The following GRHL2 variants were observed in gnomAD, a reference collection of about 807,000 sequenced individuals.
The protein encoded by GRHL2 is grainyhead like transcription factor 2.
GRHL2 carries 21 observed loss-of-function variants against 83.8 expected under a neutral mutation model. The ratio of observed to expected loss-of-function variants is 0.25; its 90% confidence interval spans 0.18 to 0.36. GRHL2 has a LOEUF of 0.36. GRHL2 is among the 10% of genes least tolerant of loss of function. GRHL2 has a pLI of 1.00. For missense variants in GRHL2, 623 were observed against 781.8 expected (o/e 0.80, Z 2.42); for synonymous variants, 280 against 278.9 (o/e 1.00, Z -0.04).
At chr8:101,651,309 G>A (rs1813616997) in intron 14 of GRHL2, among the ~76,000 whole-genome samples, 1 of 152,198 alleles carries the variant, frequency 6.6e-6, no homozygotes, top group South Asian at 2.1e-4. Context: ...TTGCTTAAAT[G>A]CATATTCTCT....
At chr8:101,551,467 T>G (rs1811378048) in intron 2 of GRHL2, among the ~76,000 whole-genome samples, 1 of 152,068 alleles carries the variant, frequency 6.6e-6, no homozygotes, top group Non-Finnish European at 1.5e-5. Flanking sequence ...TCTGGGCTTG[T>G]GTACATAGTC....
intron 7 of GRHL2, among the ~76,000 whole-genome samples, chr8:101,580,772 C>T (rs796495121): frequency 4.6e-5 from 7 of 152,210 alleles, no homozygotes; most frequent in African/African-American, 1.7e-4. Flanking sequence ...GGCATGATCT[C>T]GGCTCACTGC....
At chr8:101,500,531 G>T (rs1188946500) in intron 1 of GRHL2, among the ~76,000 whole-genome samples, 2 of 151,998 alleles carry the variant, frequency 1.3e-5, no homozygotes, top group East Asian at 3.9e-4. Flanking sequence ...TTTTTGAGTT[G>T]GAGTTTTGCT....
chr8:101,572,520 C>G (rs545373541), intron 5 of GRHL2, among the ~76,000 whole-genome samples: 1 of 152,206 alleles, frequency 6.6e-6, no homozygotes, highest in African/African-American at 2.4e-5. Flanking sequence ...AGGCCATTTT[C>G]AGAGATAAAG....
At chr8:101,639,616 A>C (rs1050857015) in intron 12 of GRHL2, among the ~76,000 whole-genome samples, 1 of 152,200 alleles carries the variant, frequency 6.6e-6, no homozygotes, top group Non-Finnish European at 1.5e-5. Context: ...GTGGCTATAA[A>C]GTATGTATTG....
At chr8:101,614,754 A>G (rs1194836633) in intron 8 of GRHL2, among the ~76,000 whole-genome samples, 1 of 152,194 alleles carries the variant, frequency 6.6e-6, no homozygotes, top group Non-Finnish European at 1.5e-5. Flanking sequence ...AATGCTTATC[A>G]CTTTCCAAGC....
chr8:101,665,686 G>GT (rs1814035672), intron 15 of GRHL2, among the ~76,000 whole-genome samples: 1 of 152,134 alleles, frequency 6.6e-6, no homozygotes, highest in African/African-American at 2.4e-5. Flanking sequence ...TGTGCTAAAT[G>GT]TTTTTATCAT....
intron 2 of GRHL2, among the ~76,000 whole-genome samples, chr8:101,552,374 C>A (rs558629890): frequency 3.9e-5 from 6 of 152,350 alleles, no homozygotes; most frequent in African/African-American, 1.4e-4. Flanking sequence ...GCACCCAAGT[C>A]TAGATTCACC....
chr8:101,589,752 A>G (rs1812240077), intron 7 of GRHL2, among the ~76,000 whole-genome samples: 1 of 152,200 alleles, frequency 6.6e-6, no homozygotes, highest in African/African-American at 2.4e-5. Context: ...TAATAATATT[A>G]CTAATAATTA....
chr8:101,559,920 A>G (rs1811573096), intron 4 of GRHL2, among the ~76,000 whole-genome samples: 1 of 152,214 alleles, frequency 6.6e-6, no homozygotes, highest in African/African-American at 2.4e-5. Context: ...AATTTCATGT[A>G]AATGAAGTGA....
downstream of GRHL2, among the ~76,000 whole-genome samples, chr8:101,671,561 C>G (rs1238746645): frequency 2.0e-5 from 3 of 152,188 alleles, no homozygotes; most frequent in Non-Finnish European, 4.4e-5. Context: ...GAGCCTACCA[C>G]AGCTCAAGGA....
chr8:101,609,149 G>C (rs1006933549), intron 8 of GRHL2, among the ~76,000 whole-genome samples: 3 of 150,410 alleles, frequency 2.0e-5, no homozygotes, highest in Non-Finnish European at 2.9e-5. Flanking sequence ...AGAAAATGTA[G>C]AGGGAGGGGA....
At chr8:101,677,549 A>G in the GRHL2 span, among the ~76,000 whole-genome samples, 1 of 151,996 alleles carries the variant, frequency 6.6e-6, no homozygotes, top group Non-Finnish European at 1.5e-5. Context: ...ACATCTTGAG[A>G]CAGTGTCTTT....
At chr8:101,533,891 T>C (rs932012093) in intron 1 of GRHL2, among the ~76,000 whole-genome samples, 1 of 152,104 alleles carries the variant, frequency 6.6e-6, no homozygotes, top group Admixed American at 6.6e-5. Flanking sequence ...GAATAGACTG[T>C]AGAAGTAAGG....
intron 7 of GRHL2, among the ~76,000 whole-genome samples, chr8:101,582,361 A>T (rs1812073877): frequency 6.6e-6 from 1 of 152,128 alleles, no homozygotes; most frequent in African/African-American, 2.4e-5. Context: ...TGTTGATTTG[A>T]CCCATGCAGA....
intron 12 of GRHL2, among the ~76,000 whole-genome samples, chr8:101,637,407 T>C (rs1045201301): frequency 3.9e-5 from 6 of 152,128 alleles, no homozygotes; most frequent in Non-Finnish European, 8.8e-5. Context: ...GGCAGGCCAG[T>C]AGTGAGGCTG....
At chr8:101,502,321 A>T (rs1034023091) in intron 1 of GRHL2, among the ~76,000 whole-genome samples, 2 of 152,172 alleles carry the variant, frequency 1.3e-5, no homozygotes, top group African/African-American at 4.8e-5. Flanking sequence ...AGCAGGGGCC[A>T]TGAACATTAG....
Position 101,612,085 on chromosome 8 carries a change from G to C in GRHL2, c.1099-7454G>C, listed in dbSNP as rs113112917. ...GCTCACTAAAACCTCTGCCTCCCAG[G>C]TTCAAGCAATTCTCCTGCCTCAGCC... is the stretch of plus-strand genomic sequence containing the variant. On this transcript the variant is annotated intron_variant, in intron 8 of 15. Coordinates refer to ENST00000646743, the MANE Select transcript of GRHL2 (RefSeq NM_024915.4). Among the ~76,000 whole-genome samples, 660 of 151,004 alleles carry C rather than the reference G, an allele frequency of 4.4e-3. 24 individuals are homozygous for C. The highest frequency in any genetic ancestry group is 0.033 in the Admixed American group (501 of 15,236).
At chr8:101,610,534 T>A (rs1812726891) in intron 8 of GRHL2, among the ~76,000 whole-genome samples, 1 of 150,830 alleles carries the variant, frequency 6.6e-6, no homozygotes, top group South Asian at 2.1e-4. Context: ...AGAGACTAGG[T>A]GTCTGAAAGG....
Sources: allele counts gnomAD v4.1 joint callset (sites outside exome capture counted in the v4.1 genomes callset), GRCh38; gene constraint gnomAD v4.1.1; transcripts MANE v1.5; gene names NCBI Gene and HGNC (gene_info 2026-07-23, HGNC 2026-07-21).